Variants in KGD4 observed in about 807,000 individuals in gnomAD.
The protein encoded by KGD4 is alpha-ketoglutarate dehydrogenase subunit 4.
the KGD4 span, chr5:69,218,025 G>A: frequency 2.4e-6 from 3 of 1,240,094 alleles, no homozygotes; most frequent in Non-Finnish European, 3.4e-6. Flanking sequence ...GTGTGAGGAT[G>A]GGACTTTGAG....
chr5:69,218,305 C>T, the KGD4 span, among the ~76,000 whole-genome samples: 1 of 152,248 alleles, frequency 6.6e-6, no homozygotes, highest in Non-Finnish European at 1.5e-5. Context: ...TGGATCTGAC[C>T]CACTGTCCCT....
the KGD4 span, among the ~76,000 whole-genome samples, chr5:69,220,702 G>A: frequency 3.9e-5 from 6 of 152,138 alleles, no homozygotes; most frequent in Admixed American, 2.0e-4. Flanking sequence ...AGCAACCATC[G>A]AGAACGGGCC....
chr5:69,218,168 C>T, the KGD4 span: 2 of 462,830 alleles, frequency 4.3e-6, no homozygotes, highest in Non-Finnish European at 7.7e-6. Flanking sequence ...CCTTGTTAGT[C>T]TTAGGCGTGT....
the KGD4 span, among the ~76,000 whole-genome samples, chr5:69,226,006 C>T: frequency 2.6e-5 from 4 of 152,238 alleles, no homozygotes; most frequent in Non-Finnish European, 5.9e-5. Context: ...GTTGGGATTA[C>T]AGGCATAAGC....
the KGD4 span, among the ~76,000 whole-genome samples, chr5:69,219,254 G>A: frequency 2.0e-5 from 3 of 152,114 alleles, no homozygotes; most frequent in Non-Finnish European, 4.4e-5. Flanking sequence ...TGTATCTACC[G>A]TATGACCCAG....
the KGD4 span, chr5:69,229,803 A>G: frequency 6.6e-6 from 1 of 152,322 alleles, no homozygotes; most frequent in Admixed American, 6.5e-5. Context: ...TATACTATTA[A>G]GATAGAGATC....
chr5:69,226,066 A>G, the KGD4 span, among the ~76,000 whole-genome samples: 1 of 152,220 alleles, frequency 6.6e-6, no homozygotes, highest in East Asian at 1.9e-4. Context: ...GTCATGCAAC[A>G]TAAACTCTAC....
the KGD4 span, chr5:69,228,198 A>G: frequency 6.6e-6 from 10 of 1,519,384 alleles, no homozygotes; most frequent in Non-Finnish European, 7.9e-6. Flanking sequence ...TTTTAATTTC[A>G]GTATCAGAAG....
chr5:69,229,231 G>C, the KGD4 span: 1 of 1,608,432 alleles, frequency 6.2e-7, no homozygotes, highest in Non-Finnish European at 8.5e-7. Context: ...AATAACCATG[G>C]TGGCTGCTGT....
the KGD4 span, chr5:69,217,766 GC>G: frequency 6.2e-7 from 1 of 1,610,714 alleles, no homozygotes. Context: ...GCCCACAGCT[GC>G]CCGGGACTCC....
chr5:69,221,099 G>A, the KGD4 span, among the ~76,000 whole-genome samples: 2 of 151,562 alleles, frequency 1.3e-5, no homozygotes, highest in Non-Finnish European at 2.9e-5. Context: ...TTGTTCACGT[G>A]TTTATCTGCT....
At chr5:69,226,866 T>A in the KGD4 span, among the ~76,000 whole-genome samples, 3 of 151,848 alleles carry the variant, frequency 2.0e-5, no homozygotes, top group South Asian at 6.3e-4. Context: ...AAAAAATTAT[T>A]ACCTCTATTT....
the KGD4 span, among the ~76,000 whole-genome samples, chr5:69,229,029 A>G: frequency 1.3e-5 from 2 of 150,440 alleles, no homozygotes; most frequent in South Asian, 4.2e-4. Context: ...CTCAAAAAAA[A>G]AAAAAAAAAA....
chr5:69,221,188 TAAAA>T, the KGD4 span, among the ~76,000 whole-genome samples: 1 of 131,034 alleles, frequency 7.6e-6, no homozygotes, highest in East Asian at 2.2e-4. Context: ...CAATAAATAC[TAAAA>T]AAAAAAAAAA....
the KGD4 span, among the ~76,000 whole-genome samples, chr5:69,226,685 A>G: frequency 2.0e-5 from 3 of 151,810 alleles, no homozygotes; most frequent in Non-Finnish European, 4.4e-5. Context: ...TGTCTCTACT[A>G]AAAAATACAA....
chr5:69,222,678 G>A, the KGD4 span, among the ~76,000 whole-genome samples: 8 of 152,128 alleles, frequency 5.3e-5, no homozygotes, highest in African/African-American at 1.9e-4. Flanking sequence ...TTACAGGCAT[G>A]AGCCACTGAC....
the KGD4 span, among the ~76,000 whole-genome samples, chr5:69,223,827 G>A: frequency 2.6e-5 from 4 of 151,760 alleles, no homozygotes; most frequent in Admixed American, 1.3e-4. Flanking sequence ...TTGGGAGGCC[G>A]TTCGAAACCA....
chr5:69,219,659 G>T, the KGD4 span, among the ~76,000 whole-genome samples: 1 of 151,918 alleles, frequency 6.6e-6, no homozygotes, highest in Non-Finnish European at 1.5e-5. Flanking sequence ...CACCTATTTA[G>T]AATTCAAATC....
At chr5:69,228,396 T>C in the KGD4 span, 1 of 1,590,534 alleles carries the variant, frequency 6.3e-7, no homozygotes, top group Non-Finnish European at 8.5e-7. Flanking sequence ...AAGTATGTCG[T>C]TGCTCTTTAT....
Sources: gnomAD v4.1 joint callset for allele counts (sites outside exome capture counted in the v4.1 genomes callset) on GRCh38, gnomAD v4.1.1 for gene constraint, MANE v1.5 for transcripts, NCBI Gene and HGNC (gene_info 2026-07-23, HGNC 2026-07-21) for gene names.